The following SNTG1 variants were observed in gnomAD, a reference collection of about 807,000 sequenced individuals.
The protein encoded by SNTG1 is syntrophin gamma 1.
A neutral mutation model predicts 74.7 loss-of-function variants in SNTG1; 39 were observed. The observed-to-expected ratio is 0.52, with a 90% CI of 0.40 to 0.68. The LOEUF is 0.68. Among genes scored for constraint, SNTG1 ranks in the 30% least tolerant of loss-of-function variants. The pLI is 0.00. For synonymous variants in SNTG1, 254 were observed against 217.1 expected (o/e 1.17, Z -1.49); for missense variants, 685 against 609.5 (o/e 1.12, Z -1.30).
At chr8:50,204,848 C>A (rs1449082232) in intron 2 of SNTG1, among the ~76,000 whole-genome samples, 1 of 152,044 alleles carries the variant, frequency 6.6e-6, no homozygotes, top group African/African-American at 2.4e-5. Context: ...TGAGAGTTTG[C>A]TGAGAATGAT....
At chr8:50,449,280 C>A (rs553605807) in intron 5 of SNTG1, among the ~76,000 whole-genome samples, 1 of 152,222 alleles carries the variant, frequency 6.6e-6, no homozygotes, top group Non-Finnish European at 1.5e-5. Flanking sequence ...GTCACTGCAC[C>A]ACCAAAAGCC....
At chr8:50,390,780 C>T (rs1267425514) in intron 2 of SNTG1, among the ~76,000 whole-genome samples, 1 of 152,100 alleles carries the variant, frequency 6.6e-6, no homozygotes, top group Non-Finnish European at 1.5e-5. Flanking sequence ...TGAAAAGGTC[C>T]TCCACATCCC....
intron 2 of SNTG1, among the ~76,000 whole-genome samples, chr8:50,213,867 C>T (rs2084643921): frequency 6.6e-6 from 1 of 151,558 alleles, no homozygotes; most frequent in South Asian, 2.1e-4. Context: ...AATTTTCTCC[C>T]ATTTTGTAGG....
At chr8:50,326,298 G>A (rs2090744900) in intron 2 of SNTG1, among the ~76,000 whole-genome samples, 1 of 151,988 alleles carries the variant, frequency 6.6e-6, no homozygotes, top group Non-Finnish European at 1.5e-5. Flanking sequence ...ATGTTTGGTA[G>A]AATTCATTTG....
At chr8:50,630,436 C>A (rs182530850) in intron 13 of SNTG1, among the ~76,000 whole-genome samples, 1 of 152,264 alleles carries the variant, frequency 6.6e-6, no homozygotes, top group Admixed American at 6.5e-5. Flanking sequence ...CCAACCAAAT[C>A]TTTTCTCCAC....
At chr8:50,693,120 G>A (rs946012722) in intron 15 of SNTG1, among the ~76,000 whole-genome samples, 1 of 152,156 alleles carries the variant, frequency 6.6e-6, no homozygotes, top group Non-Finnish European at 1.5e-5. Flanking sequence ...GTATTAGGGT[G>A]GGAGTGACCC....
At chr8:50,771,578 T>G in intron 18 of SNTG1, among the ~76,000 whole-genome samples, 1 of 151,990 alleles carries the variant, frequency 6.6e-6, no homozygotes, top group East Asian at 1.9e-4. Context: ...AGAAAAGGCA[T>G]GTTTGGAAAG....
chr8:50,342,211 C>G (rs892838616), intron 2 of SNTG1, among the ~76,000 whole-genome samples: 1 of 151,966 alleles, frequency 6.6e-6, no homozygotes, highest in Non-Finnish European at 1.5e-5. Flanking sequence ...TAAAAGTTTC[C>G]AGGATAATAT....
chr8:50,294,435 A>G (rs954299830), intron 2 of SNTG1, among the ~76,000 whole-genome samples: 2 of 152,222 alleles, frequency 1.3e-5, no homozygotes, highest in African/African-American at 2.4e-5. Flanking sequence ...GAATTGGTTC[A>G]TATAATTATG....
intron 18 of SNTG1, among the ~76,000 whole-genome samples, chr8:50,777,692 T>C (rs1476312828): frequency 6.6e-6 from 1 of 151,804 alleles, no homozygotes; most frequent in Non-Finnish European, 1.5e-5. Context: ...TCTCTTTTTT[T>C]TAATTTTTTA....
At chr8:50,619,357 C>T (rs1396505280) in intron 13 of SNTG1, among the ~76,000 whole-genome samples, 2 of 152,156 alleles carry the variant, frequency 1.3e-5, no homozygotes, top group Non-Finnish European at 2.9e-5. Context: ...TATCTGCTTT[C>T]TGTTCAGTGT....
intron 1 of SNTG1, among the ~76,000 whole-genome samples, chr8:50,019,573 G>A (rs1248334772): frequency 6.6e-6 from 1 of 151,946 alleles, no homozygotes; most frequent in Non-Finnish European, 1.5e-5. Flanking sequence ...ACACTCATGT[G>A]CCCATTCATT....
intron 13 of SNTG1, among the ~76,000 whole-genome samples, chr8:50,593,829 T>C (rs1217366637): frequency 6.6e-6 from 1 of 151,900 alleles, no homozygotes; most frequent in Non-Finnish European, 1.5e-5. Flanking sequence ...GCGATTCTCC[T>C]GCCTCAGCCT....
chr8:49,989,167 T>C (rs1212797852), intron 1 of SNTG1, among the ~76,000 whole-genome samples: 1 of 151,898 alleles, frequency 6.6e-6, no homozygotes, highest in East Asian at 1.9e-4. Flanking sequence ...CAAAAGTTGG[T>C]TCTCTGAAAT....
At chr8:50,048,977 T>C (rs1194571303) in intron 1 of SNTG1, among the ~76,000 whole-genome samples, 1 of 151,976 alleles carries the variant, frequency 6.6e-6, no homozygotes, top group African/African-American at 2.4e-5. Context: ...AAATAGTGCA[T>C]CAATATTCTA....
chr8:50,010,975 A>AAT, intron 1 of SNTG1, among the ~76,000 whole-genome samples: 2 of 152,116 alleles, frequency 1.3e-5, no homozygotes, highest in Middle Eastern at 6.8e-3. Context: ...CTAAATTGAA[A>AAT]ATATATATAC....
rs762798775 is a variant in SNTG1 at position 50,502,825 on chromosome 8, A to G, written c.411A>G (p.Ser137=). ...NAGEEVTLTV[S]FLKRAPAFLK... Reference sequence around the variant, plus strand: ...GAGAAGAAGTGACTCTAACAGTGTCATTTTTAAAAAGAGCACCTGCTTTCC... The same window carrying G: ...GAGAAGAAGTGACTCTAACAGTGTCGTTTTTAAAAAGAGCACCTGCTTTCC... The change falls in exon 9 of 19, where the codon TCA becomes TCG. Residue 137 remains serine (S), a synonymous_variant. Transcript: ENST00000642720. The G allele has an allele frequency of 6.2e-7, 1 of 1,613,538 alleles. No individual in the cohort carries two copies. Among genetic ancestry groups the G allele is most frequent in the South Asian group, 1.1e-5 (1 of 91,044 alleles).
chr8:50,562,451 A>C (rs755437771), intron 12 of SNTG1, among the ~76,000 whole-genome samples: 2 of 152,316 alleles, frequency 1.3e-5, no homozygotes, highest in African/African-American at 2.4e-5. Context: ...AGGGAATGCA[A>C]TTCAAAGAAA....
chr8:50,024,196 C>T (rs1041126486), intron 1 of SNTG1, among the ~76,000 whole-genome samples: 9 of 152,038 alleles, frequency 5.9e-5, no homozygotes, highest in Non-Finnish European at 1.3e-4. Flanking sequence ...TTAAGAGAAA[C>T]CTTATCATGG....
Sources: allele counts gnomAD v4.1 joint callset (sites outside exome capture counted in the v4.1 genomes callset), GRCh38; gene constraint gnomAD v4.1.1; transcripts MANE v1.5; gene names NCBI Gene and HGNC (gene_info 2026-07-23, HGNC 2026-07-21).